Variants in SLC16A14 observed in about 807,000 individuals in gnomAD.
The protein encoded by SLC16A14 is solute carrier family 16 member 14, also known as monocarboxylate transporter 14.
SLC16A14 carries 14 observed loss-of-function variants against 35.8 expected under a neutral mutation model. The ratio of observed to expected loss-of-function variants is 0.39; its 90% CI spans 0.26 to 0.61. SLC16A14 has a LOEUF of 0.61. Ranked by LOEUF, SLC16A14 falls within the 20% of genes least tolerant of loss-of-function variation. The pLI is 0.51. For synonymous variants in SLC16A14, 248 were observed against 258.9 expected (o/e 0.96, Z 0.40); for missense variants, 533 against 655.0 (o/e 0.81, Z 2.03).
chr2:230,063,213 T>C (rs1044396456), intron 1 of SLC16A14, among the ~76,000 whole-genome samples: 1 of 140,002 alleles, frequency 7.1e-6, no homozygotes, highest in Non-Finnish European at 1.5e-5. Flanking sequence ...TTTGAAGCTG[T>C]GGGGGTGAAG....
intron 4 of SLC16A14, chr2:230,045,529 C>G (rs949620227): frequency 1.8e-6 from 1 of 557,660 alleles, no homozygotes; most frequent in Admixed American, 3.3e-5. Flanking sequence ...CACTGCACTC[C>G]AGCTGGGGCG....
chr2:230,060,679 T>G (rs1468863974), intron 1 of SLC16A14, among the ~76,000 whole-genome samples: 2 of 150,118 alleles, frequency 1.3e-5, no homozygotes, highest in Non-Finnish European at 3.0e-5. Flanking sequence ...TTTTTCATGG[T>G]TTTTTTTGGG....
At position 230,058,922 on chromosome 2, in the gene SLC16A14, C is replaced by T. The variant is rs533187519; in HGVS notation, c.259+172G>A. ...TGCTGGGATTACAGGTGTGAGTCAC[C>T]GTGCCTGGCCTAAAATGGTAAATTT... On this transcript the variant is annotated intron_variant, in intron 2 of 4. Coordinates refer to ENST00000295190, the MANE Select transcript of SLC16A14 (RefSeq NM_152527.5). 31 of 879,104 alleles carry T rather than the reference C, an allele frequency of 3.5e-5. No homozygotes were observed. In the African/African-American group the frequency reaches 4.5e-4, roughly 13 times the overall value. The allele number at this position is 879,104 out of a possible 1,614,324, so 54.5% of individuals were successfully genotyped here.
chr2:230,048,394 A>C (rs990503241), intron 3 of SLC16A14, among the ~76,000 whole-genome samples: 3 of 152,238 alleles, frequency 2.0e-5, no homozygotes, highest in African/African-American at 7.2e-5. Flanking sequence ...CAGTTTATTT[A>C]AAATGCAATT....
intron 1 of SLC16A14, among the ~76,000 whole-genome samples, chr2:230,061,989 G>T (rs1254103796): frequency 1.3e-5 from 2 of 152,088 alleles, no homozygotes; most frequent in African/African-American, 4.8e-5. Flanking sequence ...TGATCCTCCT[G>T]CCTCGGCTTT....
In SLC16A14 at chr2:230,046,335, G is replaced by A. The variant is rs1433110884; in HGVS notation, c.791C>T (p.Ala264Val). The A allele has an allele frequency of 6.2e-7, 1 of 1,614,174 alleles. No homozygotes were observed. Among genetic ancestry groups the A allele is most frequent in the Non-Finnish European group, 8.5e-7 (1 of 1,180,026 alleles). The change falls in exon 4 of 5, where the codon GCC becomes GTC. Residue 264 changes from alanine to valine, a missense_variant. Ala to Val is a moderately conservative substitution (Grantham distance 64, BLOSUM62 0). Transcript: ENST00000295190. The surrounding 1 kb of genome is among the most constrained non-coding windows in gnomAD (Gnocchi z 5.0). ...CCCGGCCTGATCGGGGCACTCCTGG[G>A]CTTGCAGGTCGCAGAGGGTCTCCTC... ...GNEETLCDLQ[A>V]QECPDQAGHR...
At chr2:230,044,903 T>C (rs187877280) in intron 4 of SLC16A14, among the ~76,000 whole-genome samples, 14 of 152,188 alleles carry the variant, frequency 9.2e-5, no homozygotes, top group East Asian at 7.7e-4. Context: ...TAAGCCACCA[T>C]AAGTTTCTGG....
At chr2:230,039,536 G>T (rs920438841) in intron 4 of SLC16A14, among the ~76,000 whole-genome samples, 2 of 152,150 alleles carry the variant, frequency 1.3e-5, no homozygotes, top group Non-Finnish European at 2.9e-5. Flanking sequence ...TGGCAACTGT[G>T]GACCATTGTG....
intron 2 of SLC16A14, among the ~76,000 whole-genome samples, chr2:230,057,808 C>A (rs1031377199): frequency 6.6e-6 from 1 of 152,072 alleles, no homozygotes; most frequent in Non-Finnish European, 1.5e-5. Flanking sequence ...AGGTGGATCA[C>A]TTGAGGTCAG....
intron 1 of SLC16A14, among the ~76,000 whole-genome samples, chr2:230,062,542 T>C (rs2077759694): frequency 6.6e-6 from 1 of 151,964 alleles, no homozygotes; most frequent in Non-Finnish European, 1.5e-5. Context: ...AGAGATGGAC[T>C]TTCACCGTGC....
intron 4 of SLC16A14, among the ~76,000 whole-genome samples, chr2:230,040,501 C>T (rs1289579404): frequency 1.3e-5 from 2 of 152,116 alleles, no homozygotes; most frequent in South Asian, 2.1e-4. Context: ...GGATTACAGG[C>T]GTGAGCCACT....
chr2:230,064,798 G>A (rs988563247), intron 1 of SLC16A14, among the ~76,000 whole-genome samples: 8 of 152,060 alleles, frequency 5.3e-5, no homozygotes, highest in African/African-American at 1.9e-4. Flanking sequence ...ATCACCTGAG[G>A]TCGGGAGTGT....
intron 2 of SLC16A14, 72 bp from the exon 3 acceptor site, chr2:230,049,976 T>G: frequency 6.5e-7 from 1 of 1,547,406 alleles, no homozygotes; most frequent in East Asian, 2.3e-5. Context: ...AATCTTCATG[T>G]GAAGACAAAG....
intron 2 of SLC16A14, among the ~76,000 whole-genome samples, chr2:230,053,550 A>T (rs2077679452): frequency 6.6e-6 from 1 of 152,138 alleles, no homozygotes. Flanking sequence ...TGGGAGGCCG[A>T]GGTGGGTGGA....
At chr2:230,051,092 C>T (rs977502284) in intron 2 of SLC16A14, among the ~76,000 whole-genome samples, 5 of 152,236 alleles carry the variant, frequency 3.3e-5, no homozygotes, top group African/African-American at 1.2e-4. Context: ...ACAACACTCA[C>T]AGCAGCACAG....
At chr2:230,066,291 G>T (rs1199723039) in intron 1 of SLC16A14, among the ~76,000 whole-genome samples, 1 of 151,436 alleles carries the variant, frequency 6.6e-6, no homozygotes. Context: ...ATGATAGAAC[G>T]AGACTACCTC....
rs185920682 is a variant in SLC16A14 at position 230,038,834 on chromosome 2, G to A, written c.1382-1303C>T. 4.3e-3 allele frequency among the ~76,000 whole-genome samples: 652 copies of A among 152,214 alleles called. 7 individuals are homozygous for A. The highest frequency in any genetic ancestry group is 0.014 in the African/African-American group (577 of 41,532). ...AGGCATGAGAATTGCTGGAACCCAGGAGGCAGAGGTTGCAGTGAGCTGAGA... is the reference window on the plus strand; with the variant it reads ...AGGCATGAGAATTGCTGGAACCCAGAAGGCAGAGGTTGCAGTGAGCTGAGA... On this transcript the variant is annotated intron_variant, in intron 4 of 4. Transcript: ENST00000295190. The surrounding 1 kb of genome is among the most constrained non-coding windows in gnomAD (Gnocchi z 4.4).
At chr2:230,062,967 C>A (rs895802540) in intron 1 of SLC16A14, among the ~76,000 whole-genome samples, 5 of 152,292 alleles carry the variant, frequency 3.3e-5, no homozygotes, top group Non-Finnish European at 7.3e-5. Context: ...ATCCAGATTG[C>A]TGGGAGTGAT....
In SLC16A14 at chr2:230,046,733, C is replaced by T. The variant is rs2077611934; in HGVS notation, c.404-11G>A. Reference sequence around the variant, plus strand: ...TCCCGCTGCCCAGGCCTGTACAGGCCGACGGGGGGAAGAAAAGACACAGTG... The same window carrying T: ...TCCCGCTGCCCAGGCCTGTACAGGCTGACGGGGGGAAGAAAAGACACAGTG... On this transcript the variant is annotated splice_polypyrimidine_tract_variant and intron_variant, in intron 3 of 4. Coordinates refer to ENST00000295190, the MANE Select transcript of SLC16A14 (RefSeq NM_152527.5). This position sits in a 1 kb window ranked among gnomAD's most constrained non-coding sequence, Gnocchi z 5.0. 3.8e-6 allele frequency: 6 copies of T among 1,578,648 alleles called. No individual in the cohort carries two copies. Among genetic ancestry groups the T allele is most frequent in the Non-Finnish European group, 4.3e-6 (5 of 1,168,084 alleles).
Sources: gnomAD v4.1 joint callset for allele counts (sites outside exome capture counted in the v4.1 genomes callset) on GRCh38, gnomAD v4.1.1 for gene constraint, Gnocchi (gnomAD v3.1) non-coding constraint, MANE v1.5 for transcripts, NCBI Gene and HGNC (gene_info 2026-07-23, HGNC 2026-07-21) for gene names.